Variants in ANXA8 observed in about 807,000 individuals in gnomAD.
ANXA8 encodes annexin A8, also known as VAC-beta.
In ANXA8, 9 loss-of-function variants were observed where a neutral mutation model predicts 26.8. The observed-to-expected ratio is 0.34, with a 90% CI of 0.20 to 0.59. The LOEUF is 0.59. Ranked by LOEUF, ANXA8 falls within the 20% of genes least tolerant of loss-of-function variation. The pLI is 0.84. For missense variants in ANXA8, 83 were observed against 238.5 expected (o/e 0.35, Z 4.29); for synonymous variants, 39 against 94.8 (o/e 0.41, Z 3.42).
At chr10:47,940,372 G>C in the ANXA8 span, among the ~76,000 whole-genome samples, 1,107 of 146,660 alleles carry the variant, frequency 7.5e-3, 31 homozygotes, top group African/African-American at 0.028. Context: ...CCTCCAACAG[G>C]GGACCAGGGA....
chr10:47,724,142 G>A, the ANXA8 span, among the ~76,000 whole-genome samples: 2 of 133,966 alleles, frequency 1.5e-5, no homozygotes, highest in East Asian at 3.0e-4. Context: ...CACATGCTGC[G>A]GGGCATGTGG....
chr10:47,541,072 TC>T, the ANXA8 span, among the ~76,000 whole-genome samples: 1 of 120,596 alleles, frequency 8.3e-6, no homozygotes, highest in Non-Finnish European at 1.7e-5. Context: ...ACATATGTAA[TC>T]CCAGGATTTT....
At chr10:47,970,160 C>G in the ANXA8 span, 1 of 151,340 alleles carries the variant, frequency 6.6e-6, no homozygotes, top group Non-Finnish European at 1.5e-5. Flanking sequence ...CTCCCTCCCT[C>G]ACTCGGTGTT....
At chr10:47,675,769 G>T in the ANXA8 span, among the ~76,000 whole-genome samples, 2 of 151,842 alleles carry the variant, frequency 1.3e-5, no homozygotes, top group East Asian at 1.9e-4. Flanking sequence ...AGAAGAAATA[G>T]TCAGTAGAAG....
At chr10:47,971,253 C>T in the ANXA8 span, among the ~76,000 whole-genome samples, 11 of 151,150 alleles carry the variant, frequency 7.3e-5, no homozygotes, top group South Asian at 2.1e-4. Context: ...TGAGAAGGCC[C>T]GCCCTGCAGA....
the ANXA8 span, among the ~76,000 whole-genome samples, chr10:47,556,358 C>T: frequency 6.6e-6 from 1 of 151,870 alleles, no homozygotes; most frequent in African/African-American, 2.4e-5. Context: ...AAGCCTTTAT[C>T]CCTTTGAAAG....
chr10:47,676,394 A>G, the ANXA8 span, among the ~76,000 whole-genome samples: 1 of 151,904 alleles, frequency 6.6e-6, no homozygotes, highest in Non-Finnish European at 1.5e-5. Context: ...TCCCATATAT[A>G]GGCATATCAT....
At chr10:47,735,287 G>T in the ANXA8 span, among the ~76,000 whole-genome samples, 1 of 143,468 alleles carries the variant, frequency 7.0e-6, no homozygotes, top group Non-Finnish European at 1.5e-5. Flanking sequence ...TAGAGACAGG[G>T]TCTCCCTACA....
At chr10:47,670,462 C>T in the ANXA8 span, among the ~76,000 whole-genome samples, 4 of 152,106 alleles carry the variant, frequency 2.6e-5, no homozygotes, top group South Asian at 2.1e-4. Context: ...AGTGACTGTA[C>T]CATTTTATAT....
chr10:47,691,222 A>G, the ANXA8 span: 39 of 1,482,396 alleles, frequency 2.6e-5, 1 homozygote, highest in Non-Finnish European at 3.3e-5. Flanking sequence ...ATATAATTTT[A>G]CTCACGGGTG....
chr10:47,591,435 T>TA, the ANXA8 span, among the ~76,000 whole-genome samples: 1 of 30,370 alleles, frequency 3.3e-5, no homozygotes, highest in Middle Eastern at 0.01. Flanking sequence ...TCTTTCTGAA[T>TA]TTTTTTTTTT....
chr10:47,510,674 C>T, the ANXA8 span, among the ~76,000 whole-genome samples: 1 of 118,948 alleles, frequency 8.4e-6, no homozygotes, highest in Non-Finnish European at 1.7e-5. Flanking sequence ...ACTAAAAATA[C>T]AAAAAATTAG....
At chr10:47,949,420 C>T in the ANXA8 span, among the ~76,000 whole-genome samples, 5 of 149,516 alleles carry the variant, frequency 3.3e-5, no homozygotes, top group Non-Finnish European at 7.4e-5. Context: ...TATAATAAGA[C>T]TCACCAGGTG....
the ANXA8 span, among the ~76,000 whole-genome samples, chr10:47,493,551 C>T: frequency 7.3e-5 from 11 of 149,920 alleles, no homozygotes; most frequent in Non-Finnish European, 5.9e-5. Context: ...AGAATGGCTT[C>T]CAGACCCCAC....
chr10:47,734,963 G>T, the ANXA8 span, among the ~76,000 whole-genome samples: 1 of 123,860 alleles, frequency 8.1e-6, no homozygotes. Flanking sequence ...AGCTTGCAGT[G>T]AGCTGAGATC....
chr10:47,645,348 A>G, the ANXA8 span, among the ~76,000 whole-genome samples: 3 of 148,116 alleles, frequency 2.0e-5, no homozygotes, highest in African/African-American at 5.2e-5. Context: ...AAGCTTAGGT[A>G]GTAACGTATT....
At chr10:47,610,826 G>C in the ANXA8 span, among the ~76,000 whole-genome samples, 17 of 103,310 alleles carry the variant, frequency 1.6e-4, no homozygotes, top group East Asian at 3.8e-3. Flanking sequence ...AGAAAGTCAA[G>C]GGAAATAATA....
At chr10:47,918,431 A>AAGAAAGAAAGAAAGAG in the ANXA8 span, among the ~76,000 whole-genome samples, 1 of 31,110 alleles carries the variant, frequency 3.2e-5, no homozygotes, top group Admixed American at 3.5e-4. Flanking sequence ...GAAAGAAAGA[A>AAGAAAGAAAGAAAGAG]AGAGAGAGAG....
the ANXA8 span, among the ~76,000 whole-genome samples, chr10:47,596,123 A>C: frequency 1.1e-4 from 13 of 118,964 alleles, no homozygotes; most frequent in Admixed American, 1.1e-3. Flanking sequence ...TAAAACACAG[A>C]CACTCACACA....
Sources: gnomAD v4.1 joint callset for allele counts (sites outside exome capture counted in the v4.1 genomes callset) on GRCh38, gnomAD v4.1.1 for gene constraint, MANE v1.5 for transcripts, NCBI Gene and HGNC (gene_info 2026-07-23, HGNC 2026-07-21) for gene names.